MACROD2: variants seen among roughly 807,000 people sequenced by gnomAD.
MACROD2 encodes the protein ADP-ribose glycohydrolase MACROD2.
Under a neutral mutation model 70.4 loss-of-function variants are expected in MACROD2, and 36 were observed. The observed-to-expected ratio is 0.51, with a 90% CI of 0.39 to 0.68. The LOEUF is 0.68. Among genes scored for constraint, MACROD2 ranks in the 30% least tolerant of loss-of-function variants. MACROD2 has a pLI of 0.00. For missense variants in MACROD2, 496 were observed against 538.4 expected, an observed-to-expected ratio of 0.92 and a Z score of 0.78; for synonymous variants, 172 against 178.8, an observed-to-expected ratio of 0.96 and a Z score of 0.30.
At chr20:15,219,524 G>A (rs886488334) in intron 5 of MACROD2, among the ~76,000 whole-genome samples, 2 of 152,184 alleles carry the variant, frequency 1.3e-5, no homozygotes, top group African/African-American at 4.8e-5. Flanking sequence ...TAACTTCACA[G>A]TATAGAAATT....
At chr20:14,669,307 T>C (rs1019819207) in intron 4 of MACROD2, among the ~76,000 whole-genome samples, 2 of 152,200 alleles carry the variant, frequency 1.3e-5, no homozygotes, top group South Asian at 4.1e-4. Flanking sequence ...TTATCTTTTG[T>C]ATGCGTCAAG....
intron 5 of MACROD2, among the ~76,000 whole-genome samples, chr20:15,163,963 G>A (rs1183422426): frequency 1.3e-5 from 2 of 151,930 alleles, no homozygotes; most frequent in Non-Finnish European, 1.5e-5. Context: ...ATCCTTCTGA[G>A]GACACTTGCA....
intron 5 of MACROD2, among the ~76,000 whole-genome samples, chr20:14,945,826 A>G (rs1409854467): frequency 2.6e-5 from 4 of 152,288 alleles, no homozygotes; most frequent in East Asian, 1.9e-4. Flanking sequence ...GTATTTTTGT[A>G]TACTCACATA....
Position 14,684,905 on chromosome 20 carries a change from G to T in MACROD2, c.364G>T (p.Gly122Cys). ...GCTAGCTGAATGTCGTAACCTGAAT[G>T]GCTGTGATACTGGACATGCAAAAAT... ...CLLAECRNLN[G>C]CDTGHAKITC... The change falls in exon 5 of 18, where the codon GGC (glycine) becomes TGC (cysteine). Residue 122 changes from glycine (G) to cysteine (C), a missense_variant. Coordinates refer to ENST00000684519, the MANE Select transcript of MACROD2 (RefSeq NM_001351661.2). 1.2e-6 allele frequency: 2 copies of T among 1,614,062 alleles called. No homozygotes were observed. Among genetic ancestry groups the T allele is most frequent in the South Asian group, 1.1e-5 (1 of 91,086 alleles).
chr20:15,920,399 G>A (rs1297785723), intron 10 of MACROD2, among the ~76,000 whole-genome samples: 2 of 152,134 alleles, frequency 1.3e-5, no homozygotes, highest in Non-Finnish European at 2.9e-5. Flanking sequence ...AGCTAACAGG[G>A]GGTATCAGGA....
intron 6 of MACROD2, among the ~76,000 whole-genome samples, chr20:15,349,755 CA>C (rs397864871): frequency 1.9e-3 from 233 of 124,524 alleles, no homozygotes; most frequent in Middle Eastern, 4.0e-3. Context: ...AACTCAGTCT[CA>C]AAAAAAAAAA....
chr20:14,567,743 T>C (rs961999137), intron 4 of MACROD2, among the ~76,000 whole-genome samples: 4 of 152,094 alleles, frequency 2.6e-5, no homozygotes, highest in African/African-American at 9.7e-5. Context: ...ACCACTTTTA[T>C]ATTCAGATTA....
At chr20:15,102,733 C>CAA (rs1302110271) in intron 5 of MACROD2, among the ~76,000 whole-genome samples, 2 of 41,372 alleles carry the variant, frequency 4.8e-5, no homozygotes, top group African/African-American at 1.4e-4. Flanking sequence ...GATAAACTCC[C>CAA]ACGTGTGAAA....
intron 4 of MACROD2, among the ~76,000 whole-genome samples, chr20:14,591,434 C>A (rs534568547): frequency 6.6e-6 from 1 of 152,230 alleles, no homozygotes; most frequent in African/African-American, 2.4e-5. Context: ...TAGATTGGCT[C>A]CCTGTAAATA....
chr20:15,545,580 T>G (rs1328244751), intron 8 of MACROD2, among the ~76,000 whole-genome samples: 3 of 152,202 alleles, frequency 2.0e-5, no homozygotes, highest in Admixed American at 2.0e-4. Flanking sequence ...TTTTTCTTTT[T>G]GTCTTCTCTT....
At chr20:15,673,023 C>A (rs955186228) in intron 8 of MACROD2, among the ~76,000 whole-genome samples, 1 of 152,140 alleles carries the variant, frequency 6.6e-6, no homozygotes. Flanking sequence ...ATTGTGAGGC[C>A]TCCCCAGCCA....
chr20:14,418,119 G>A (rs969776983), intron 3 of MACROD2, among the ~76,000 whole-genome samples: 22 of 152,082 alleles, frequency 1.4e-4, no homozygotes, highest in African/African-American at 5.3e-4. Context: ...TATAGTTCGA[G>A]CCTCTGAATT....
At chr20:14,179,226 T>C (rs2081288059) in intron 3 of MACROD2, among the ~76,000 whole-genome samples, 1 of 152,198 alleles carries the variant, frequency 6.6e-6, no homozygotes. Context: ...ATTTACTTTT[T>C]TGAAAATAAC....
intron 3 of MACROD2, among the ~76,000 whole-genome samples, chr20:14,251,537 T>C (rs1424949520): frequency 1.3e-5 from 2 of 152,104 alleles, no homozygotes; most frequent in South Asian, 2.1e-4. Flanking sequence ...TTATAATATT[T>C]CTACATATGT....
chr20:15,387,714 T>C (rs2045736250), intron 6 of MACROD2, among the ~76,000 whole-genome samples: 1 of 149,598 alleles, frequency 6.7e-6, no homozygotes, highest in South Asian at 2.1e-4. Context: ...ACTAAAATCA[T>C]GTGTTAAGTA....
intron 4 of MACROD2, among the ~76,000 whole-genome samples, chr20:14,651,372 C>T (rs770949411): frequency 2.6e-4 from 40 of 152,110 alleles, no homozygotes; most frequent in Non-Finnish European, 4.0e-4. Flanking sequence ...TAGAACTAGA[C>T]CCTGATATAA....
intron 2 of MACROD2, among the ~76,000 whole-genome samples, chr20:14,011,196 A>G (rs2052899765): frequency 6.6e-6 from 1 of 152,172 alleles, no homozygotes; most frequent in Non-Finnish European, 1.5e-5. Context: ...ACCTCAAAAT[A>G]ACTTTAAAAG....
chr20:14,133,937 T>C (rs2054754715), intron 3 of MACROD2, among the ~76,000 whole-genome samples: 2 of 152,234 alleles, frequency 1.3e-5, no homozygotes, highest in Admixed American at 1.3e-4. Context: ...TGTGGAAATA[T>C]AGAGTCCTAT....
At position 15,497,428 on chromosome 20, in the gene MACROD2, A is replaced by G. The variant is rs1007669615; in HGVS notation, c.572-2346A>G. 3.9e-5 allele frequency among the ~76,000 whole-genome samples: 6 copies of G among 152,230 alleles called. No homozygotes were observed. In the East Asian group the frequency reaches 1.2e-3, roughly 29 times the overall value. On this transcript the variant is annotated intron_variant, in intron 7 of 17. Coordinates refer to ENST00000684519, the MANE Select transcript of MACROD2 (RefSeq NM_001351661.2). ...TGCCTCAGCCTCCCAAGTAGCTGGCATTACAGGTGCCCGCCACCACGTTTG... is the reference window on the plus strand; with the variant it reads ...TGCCTCAGCCTCCCAAGTAGCTGGCGTTACAGGTGCCCGCCACCACGTTTG...
Sources: gnomAD v4.1 joint callset for allele counts (sites outside exome capture counted in the v4.1 genomes callset) on GRCh38, gnomAD v4.1.1 for gene constraint, MANE v1.5 for transcripts, NCBI Gene and HGNC (gene_info 2026-07-23, HGNC 2026-07-21) for gene names.